Variants in FBLN1 observed in about 807,000 individuals in gnomAD.
FBLN1 encodes fibulin-1.
FBLN1 carries 34 observed loss-of-function variants against 89.7 expected under a neutral mutation model. The ratio of observed to expected loss-of-function variants is 0.38; its 90% CI spans 0.29 to 0.50. The LOEUF is 0.50. Ranked by LOEUF, FBLN1 falls within the 20% of genes least tolerant of loss-of-function variation. The pLI, the probability that FBLN1 is intolerant of heterozygous loss-of-function variation, is 0.92. For synonymous variants in FBLN1, 393 were observed against 391.3 expected (o/e 1.00, Z -0.05); for missense variants, 777 against 988.1 (o/e 0.79, Z 2.86).
chr22:45,577,007 C>G lies in FBLN1; in HGVS notation c.1871C>G (p.Pro624Arg). Residue 624 changes from proline to arginine, a missense_variant, in exon 16 of 17, where the codon CCG (proline) becomes CGG (arginine). By Grantham distance (103) the Pro-to-Arg change is moderately radical. Coordinates refer to ENST00000327858, the MANE Select transcript of FBLN1 (RefSeq NM_006486.3). This position sits in a 1 kb window ranked among gnomAD's most constrained non-coding sequence, Gnocchi z 6.6. ...ATCTTCCTCCGGGCCATCACGCCAC[C>G]GCATCCTGCCAGCCAGGCTAACATC... ...EIIFLRAITP[P>R]HPASQANIIF... The G allele has an allele frequency of 6.2e-7, 1 of 1,614,134 alleles. No homozygotes were observed. The highest frequency in any genetic ancestry group is 2.2e-5 in the East Asian group (1 of 44,878).
intron 14 of FBLN1, among the ~76,000 whole-genome samples, chr22:45,554,318 C>G (rs1325055372): frequency 2.0e-5 from 3 of 152,206 alleles, no homozygotes; most frequent in African/African-American, 7.2e-5. Context: ...CAGAGGCCCC[C>G]CTGGGGGAGA....
At chr22:45,516,774 C>T (rs2088175185) in intron 1 of FBLN1, among the ~76,000 whole-genome samples, 1 of 152,216 alleles carries the variant, frequency 6.6e-6, no homozygotes, top group African/African-American at 2.4e-5. Flanking sequence ...GGGTGAGAGT[C>T]AGAAGGGTGG....
At chr22:45,589,020 G>A (rs970295582) in intron 16 of FBLN1, among the ~76,000 whole-genome samples, 9 of 149,786 alleles carry the variant, frequency 6.0e-5, no homozygotes, top group African/African-American at 2.2e-4. Flanking sequence ...ACCCCGCGTG[G>A]CCCTTGTGGT....
chr22:45,547,243 C>G (rs1338695730), intron 12 of FBLN1, 39 bp downstream of exon 12: 2 of 1,610,542 alleles, frequency 1.2e-6, no homozygotes, highest in African/African-American at 1.3e-5. Flanking sequence ...AAAGCACCCC[C>G]TGGTCTTGCC....
intron 8 of FBLN1, 70 bp from the exon 9 acceptor site, chr22:45,541,159 A>G: frequency 6.2e-7 from 1 of 1,600,038 alleles, no homozygotes; most frequent in South Asian, 1.1e-5. Flanking sequence ...GTTTCTTTGG[A>G]GATCCAGTTT....
At chr22:45,534,427 G>A (rs1327976742) in intron 7 of FBLN1, among the ~76,000 whole-genome samples, 1 of 151,896 alleles carries the variant, frequency 6.6e-6, no homozygotes, top group Non-Finnish European at 1.5e-5. Flanking sequence ...ATAAACACAT[G>A]GCATTTCTGG....
intron 16 of FBLN1, among the ~76,000 whole-genome samples, chr22:45,595,665 C>G (rs563462546): frequency 3.7e-4 from 57 of 152,424 alleles, no homozygotes; most frequent in African/African-American, 1.3e-3. Flanking sequence ...GGGCTTTCCT[C>G]TCTCATAAAT....
In FBLN1 at chr22:45,574,977, T is replaced by G. The variant is rs1252799119; in HGVS notation, c.1840+324T>G. Among the ~76,000 whole-genome samples the G allele has an allele frequency of 1.3e-5, 2 of 151,542 alleles. No homozygotes were observed. Among genetic ancestry groups the G allele is most frequent in the Admixed American group, 1.3e-4 (2 of 15,212 alleles). On this transcript the variant is annotated intron_variant, in intron 15 of 16. Transcript: ENST00000327858. This position sits in a 1 kb window ranked among gnomAD's most constrained non-coding sequence, Gnocchi z 4.1. ...TTTTGTATTTTTAGTAAAGACGGGG[T>G]TTCACCGTGTTCGCCAGGATGGTCT...
intron 1 of FBLN1, among the ~76,000 whole-genome samples, chr22:45,517,872 TG>T (rs2088190761): frequency 6.6e-6 from 1 of 151,588 alleles, no homozygotes; most frequent in South Asian, 2.1e-4. Flanking sequence ...GGCTTATGCC[TG>T]TAATCCCAGC....
intron 1 of FBLN1, among the ~76,000 whole-genome samples, chr22:45,505,225 C>T (rs1043380356): frequency 2.0e-5 from 3 of 152,202 alleles, no homozygotes; most frequent in East Asian, 1.9e-4. Flanking sequence ...TAGGAAAAGA[C>T]GATTGTGTTT....
chr22:45,550,437 G>A lies in FBLN1; in HGVS notation c.1574-55G>A. 1 of 1,613,040 alleles carries A rather than the reference G, an allele frequency of 6.2e-7. No homozygotes were observed. ...GGCCTGGGCTCCTCCGTCTCCAGAT[G>A]GGTATGGCTCCTGCAGCCTCTGCCT... On this transcript the variant is annotated intron_variant, in intron 13 of 16. Transcript: ENST00000327858. The surrounding 1 kb of genome is among the most constrained non-coding windows in gnomAD (Gnocchi z 8.4).
chr22:45,511,451 GC>G (rs1350393521), intron 1 of FBLN1, among the ~76,000 whole-genome samples: 1 of 125,538 alleles, frequency 8.0e-6, no homozygotes, highest in Non-Finnish European at 1.7e-5. Flanking sequence ...ACCATGCCTG[GC>G]TTTTTTTTTT....
At chr22:45,595,220 G>A (rs2089174163) in intron 16 of FBLN1, among the ~76,000 whole-genome samples, 1 of 152,120 alleles carries the variant, frequency 6.6e-6, no homozygotes, top group African/African-American at 2.4e-5. Context: ...AGGGGGTCCT[G>A]GGTTGAGTGG....
chr22:45,595,448 T>A (rs1239907211), intron 16 of FBLN1, among the ~76,000 whole-genome samples: 4 of 152,154 alleles, frequency 2.6e-5, no homozygotes, highest in Admixed American at 2.6e-4. Context: ...AGGCCCCGAA[T>A]CTGACCATCA....
At chr22:45,586,604 G>A (rs112394413) in intron 16 of FBLN1, among the ~76,000 whole-genome samples, 2 of 152,220 alleles carry the variant, frequency 1.3e-5, no homozygotes, top group Admixed American at 6.5e-5. Context: ...AGCACCTGGC[G>A]GGCATCTGAA....
At chr22:45,507,135 G>A (rs533647233) in intron 1 of FBLN1, among the ~76,000 whole-genome samples, 3 of 152,212 alleles carry the variant, frequency 2.0e-5, no homozygotes, top group Non-Finnish European at 4.4e-5. Flanking sequence ...TCTGCCACAA[G>A]TCACCCAGCG....
rs1423410813 is a variant in FBLN1, at chr22:45,557,961, G to T, written c.1697+7346G>T. ...TTTCCCTTTGCCACTGTCCTTCAGG[G>T]ATGTCCTAGAAAGGGGCAGTAGTGC... On this transcript the variant is annotated intron_variant, in intron 14 of 16. Transcript: ENST00000327858. This position sits in a 1 kb window ranked among gnomAD's most constrained non-coding sequence, Gnocchi z 4.9. The T allele has an allele frequency of 8.7e-6, 6 of 687,570 alleles. No individual in the cohort carries two copies. Among genetic ancestry groups the T allele is most frequent in the South Asian group, 4.5e-5 (3 of 65,968 alleles). The allele number at this position is 687,570 out of a possible 1,614,324, so 42.6% of individuals were successfully genotyped here. A position where few individuals can be genotyped will look rare whatever the true frequency, so the allele number is the denominator to read the frequency against.
chr22:45,538,202 C>T (rs1039022462), intron 8 of FBLN1, among the ~76,000 whole-genome samples: 13 of 152,260 alleles, frequency 8.5e-5, no homozygotes, highest in African/African-American at 3.1e-4. Flanking sequence ...TCAGCTCCCT[C>T]AGGGTCCCCT....
At chr22:45,565,016 C>G (rs1602213457) in intron 14 of FBLN1, 2 of 1,612,930 alleles carry the variant, frequency 1.2e-6, no homozygotes, top group Non-Finnish European at 8.5e-7. Context: ...CCTGGACAGA[C>G]AGTCAGCTCC....
Sources: gnomAD v4.1 joint callset for allele counts (sites outside exome capture counted in the v4.1 genomes callset) on GRCh38, gnomAD v4.1.1 for gene constraint, Gnocchi (gnomAD v3.1) non-coding constraint, MANE v1.5 for transcripts, NCBI Gene and HGNC (gene_info 2026-07-23, HGNC 2026-07-21) for gene names.